DGAT2L6: variants seen among roughly 807,000 people sequenced by gnomAD.
The protein encoded by DGAT2L6 is diacylglycerol O-acyltransferase 2 like 6, also known as diacylglycerol O-acyltransferase 2-like protein 6.
Under a neutral mutation model 25.5 loss-of-function variants are expected in DGAT2L6, and 22 were observed. The observed-to-expected ratio is 0.86, with a 90% CI of 0.62 to 1.23. The LOEUF is 1.23. Ranked by LOEUF, DGAT2L6 falls within the 50% of genes most tolerant of loss-of-function variation. The pLI is 0.00. For missense variants in DGAT2L6, 287 were observed against 253.2 expected (o/e 1.13, Z -0.91); for synonymous variants, 100 against 94.7 (o/e 1.06, Z -0.32).
intron 1 of DGAT2L6, among the ~76,000 whole-genome samples, chrX:70,182,112 T>G (rs2085345055): frequency 9.0e-6 from 1 of 110,921 alleles, no homozygotes; most frequent in African/African-American, 3.3e-5. Context: ...TCCCAAATGA[T>G]GTTCAGAATC....
intron 4 of DGAT2L6, among the ~76,000 whole-genome samples, chrX:70,201,434 A>C (rs888920670): frequency 2.6e-4 from 29 of 111,598 alleles, no homozygotes; most frequent in African/African-American, 8.5e-4. Context: ...CAGAAACCCC[A>C]GCCATTGGCT....
At chrX:70,204,249 G>A in intron 5 of DGAT2L6, 56 bp from the exon 6 acceptor site, 1 of 1,069,393 alleles carries the variant, frequency 9.4e-7, no homozygotes, top group Non-Finnish European at 1.3e-6. Flanking sequence ...ACCTTGGAGA[G>A]GATTTTTCCG....
intron 2 of DGAT2L6, 30 bp downstream of exon 2, chrX:70,199,411 G>C (rs1295101733): frequency 1.9e-6 from 2 of 1,033,521 alleles, no homozygotes; most frequent in Non-Finnish European, 2.6e-6. Flanking sequence ...TGGTGGTCCT[G>C]TTTGGGCCAA....
rs374050282 is a variant in DGAT2L6, at chrX:70,200,483, C to G, written c.472+24C>G. 6.1e-5 allele frequency: 72 copies of G among 1,181,086 alleles called. 1 individual carries two copies. In the African/African-American group the frequency reaches 1.1e-3, roughly 19 times the overall value. The stretch of plus-strand genomic sequence containing the variant: ...GGGTGAGTATAAGAAATAATTAATT[C>G]TATTTTTTTACCTACTTCAAAGGTG... On this transcript the variant is annotated intron_variant, in intron 4 of 6. Coordinates refer to ENST00000333026, the MANE Select transcript of DGAT2L6 (RefSeq NM_198512.3).
intron 5 of DGAT2L6, among the ~76,000 whole-genome samples, chrX:70,202,964 C>A (rs991279269): frequency 7.1e-5 from 8 of 112,116 alleles, no homozygotes; most frequent in Non-Finnish European, 1.1e-4. Flanking sequence ...TCCATCATAG[C>A]TATACCGGCC....
intron 1 of DGAT2L6, among the ~76,000 whole-genome samples, chrX:70,185,341 C>T (rs1028163402): frequency 5.4e-5 from 6 of 112,114 alleles, no homozygotes; most frequent in African/African-American, 1.9e-4. Flanking sequence ...AGAGCTTCTC[C>T]AAGACAGGAA....
intron 1 of DGAT2L6, among the ~76,000 whole-genome samples, chrX:70,196,486 CA>C (rs751597708): frequency 0.017 from 431 of 26,054 alleles, 3 homozygotes; most frequent in African/African-American, 0.052. Flanking sequence ...GATCCTGTCT[CA>C]AAAAAAAAAA....
chrX:70,178,645 C>T (rs2085334111), intron 1 of DGAT2L6, among the ~76,000 whole-genome samples: 1 of 111,318 alleles, frequency 9.0e-6, no homozygotes, highest in Admixed American at 9.5e-5. Flanking sequence ...GGTTCCAACC[C>T]ATGGGAGGCT....
intron 5 of DGAT2L6, among the ~76,000 whole-genome samples, chrX:70,202,501 G>A (rs570473681): frequency 3.6e-5 from 4 of 111,863 alleles, no homozygotes; most frequent in Non-Finnish European, 7.5e-5. Flanking sequence ...CAGCAGTTAC[G>A]GAACACCCAC....
intron 1 of DGAT2L6, among the ~76,000 whole-genome samples, chrX:70,180,569 C>T (rs1286354964): frequency 2.7e-5 from 3 of 111,044 alleles, no homozygotes; most frequent in South Asian, 3.8e-4. Context: ...TAAAATTTAC[C>T]GTTTTAACCA....
At chrX:70,196,513 AG>A (rs1337841875) in intron 1 of DGAT2L6, among the ~76,000 whole-genome samples, 11 of 98,496 alleles carry the variant, frequency 1.1e-4, no homozygotes, top group Non-Finnish European at 2.2e-4. Context: ...GAAAGAAAAA[AG>A]AAAAAAAAAG....
intron 1 of DGAT2L6, among the ~76,000 whole-genome samples, chrX:70,189,586 A>T (rs1372446488): frequency 8.9e-6 from 1 of 112,030 alleles, no homozygotes; most frequent in African/African-American, 3.2e-5. Flanking sequence ...TCAAGTAAAA[A>T]TCACAGTCAG....
At chrX:70,184,757 T>C (rs1325767109) in intron 1 of DGAT2L6, among the ~76,000 whole-genome samples, 1 of 111,075 alleles carries the variant, frequency 9.0e-6, no homozygotes, top group African/African-American at 3.3e-5. Context: ...TGAGCCACCA[T>C]GCCTGGCCTA....
At position 70,178,130 on chromosome X, in the gene DGAT2L6, C is replaced by T. The variant is rs181453466; in HGVS notation, c.85+463C>T. ...CAGCCTGGGTGACAGAGCAAGACTCCGTCTCAAGATGAAAAAAAAAAAAAA... is the reference window on the plus strand; with the variant it reads ...CAGCCTGGGTGACAGAGCAAGACTCTGTCTCAAGATGAAAAAAAAAAAAAA... On this transcript the variant is annotated intron_variant, in intron 1 of 6. Coordinates refer to ENST00000333026, the MANE Select transcript of DGAT2L6 (RefSeq NM_198512.3). 5.6e-3 allele frequency among the ~76,000 whole-genome samples: 580 copies of T among 104,336 alleles called. 2 individuals carry two copies. The highest frequency in any genetic ancestry group is 9.7e-3 in the Middle Eastern group (2 of 207). The allele number at this position is 104,336 out of a possible 115,157, so 90.6% of individuals were successfully genotyped here.
At chrX:70,202,932 A>T (rs1237772446) in intron 5 of DGAT2L6, among the ~76,000 whole-genome samples, 3 of 110,626 alleles carry the variant, frequency 2.7e-5, no homozygotes, top group Non-Finnish European at 5.7e-5. Context: ...CTCATCACTC[A>T]CTTCTCTTCC....
At chrX:70,193,081 G>A (rs1302595398) in intron 1 of DGAT2L6, among the ~76,000 whole-genome samples, 2 of 111,030 alleles carry the variant, frequency 1.8e-5, no homozygotes, top group Non-Finnish European at 3.8e-5. Flanking sequence ...GGACCAGACA[G>A]CTTCCTAGGT....
intron 1 of DGAT2L6, among the ~76,000 whole-genome samples, chrX:70,183,227 G>A (rs926102790): frequency 1.1e-4 from 12 of 112,360 alleles, no homozygotes; most frequent in East Asian, 2.8e-4. Flanking sequence ...TTGCCAGCTC[G>A]TCCTCCTACT....
At chrX:70,198,699 C>G (rs975179750) in intron 1 of DGAT2L6, among the ~76,000 whole-genome samples, 1 of 111,329 alleles carries the variant, frequency 9.0e-6, no homozygotes, top group African/African-American at 3.3e-5. Flanking sequence ...CCACCATGCC[C>G]GGCTAATTTT....
At chrX:70,182,362 C>T (rs748250191) in intron 1 of DGAT2L6, among the ~76,000 whole-genome samples, 1 of 110,046 alleles carries the variant, frequency 9.1e-6, no homozygotes, top group South Asian at 4.0e-4. Flanking sequence ...CTTGTATCAC[C>T]ATCCCCCTAA....
Sources: gnomAD v4.1 joint callset for allele counts (sites outside exome capture counted in the v4.1 genomes callset) on GRCh38, gnomAD v4.1.1 for gene constraint, MANE v1.5 for transcripts, NCBI Gene and HGNC (gene_info 2026-07-23, HGNC 2026-07-21) for gene names.